The following SLC2A13 variants were observed in gnomAD, a reference collection of about 807,000 sequenced individuals.
SLC2A13 encodes the protein proton myo-inositol cotransporter.
In SLC2A13, 32 loss-of-function variants were observed where a neutral mutation model predicts 64.4. The ratio of observed to expected loss-of-function variants is 0.50; its 90% CI spans 0.37 to 0.67. SLC2A13 has a LOEUF of 0.67. Ranked by LOEUF, SLC2A13 falls within the 30% of genes least tolerant of loss-of-function variation. The pLI is 0.00. For synonymous variants in SLC2A13, 338 were observed against 327.1 expected (o/e 1.03, Z -0.36); for missense variants, 743 against 829.2 (o/e 0.90, Z 1.28).
chr12:39,778,910 G>T (rs889826516), intron 7 of SLC2A13, among the ~76,000 whole-genome samples: 1 of 152,166 alleles, frequency 6.6e-6, no homozygotes, highest in African/African-American at 2.4e-5. Flanking sequence ...CAGTTTGGGG[G>T]TTACTTTTTA....
chr12:39,907,068 A>C (rs534295309), intron 4 of SLC2A13, among the ~76,000 whole-genome samples: 1 of 152,262 alleles, frequency 6.6e-6, no homozygotes, highest in Non-Finnish European at 1.5e-5. Context: ...ATATAAGTAG[A>C]AGTTTGACTG....
chr12:39,889,130 G>A (rs1051815251), intron 4 of SLC2A13, among the ~76,000 whole-genome samples: 1 of 151,762 alleles, frequency 6.6e-6, no homozygotes, highest in Non-Finnish European at 1.5e-5. Flanking sequence ...ACCAAATGTT[G>A]GCTCATATCA....
chr12:39,840,029 T>G (rs4768190), intron 6 of SLC2A13, among the ~76,000 whole-genome samples: 3,930 of 152,100 alleles, frequency 0.026, 63 homozygotes, highest in East Asian at 0.037. Flanking sequence ...CCATTCTTTT[T>G]TTTTGTTTTG....
chr12:39,780,759 T>C (rs1453625445), intron 7 of SLC2A13, among the ~76,000 whole-genome samples: 1 of 152,224 alleles, frequency 6.6e-6, no homozygotes, highest in African/African-American at 2.4e-5. Context: ...TGTTAGGCAG[T>C]CTTTTAATAA....
chr12:39,764,899 G>A lies in SLC2A13; in HGVS notation c.1446-41C>T, dbSNP rs528006529. 6.8e-5 allele frequency: 108 copies of A among 1,590,488 alleles called. No individual in the cohort carries two copies. The Middle Eastern group carries it at 1.0e-3, about 15-fold the overall frequency. ...ATATAAGTATTAACTTAATGTTTTT[G>A]ACTACAGTTGCAGAAATTCAATATG... On this transcript the variant is annotated intron_variant, in intron 7 of 9. Transcript: ENST00000280871.
chr12:40,082,438 G>T (rs986736428), intron 1 of SLC2A13, among the ~76,000 whole-genome samples: 2 of 152,186 alleles, frequency 1.3e-5, no homozygotes, highest in African/African-American at 4.8e-5. Context: ...CTGTGAGGAT[G>T]GATATTCTAA....
intron 7 of SLC2A13, among the ~76,000 whole-genome samples, chr12:39,809,044 T>C (rs1942063239): frequency 6.6e-6 from 1 of 152,184 alleles, no homozygotes; most frequent in African/African-American, 2.4e-5. Context: ...ATTTTAGCTT[T>C]TACTATTAGG....
intron 4 of SLC2A13, among the ~76,000 whole-genome samples, chr12:39,900,687 G>C (rs1289407185): frequency 6.6e-6 from 1 of 152,146 alleles, no homozygotes; most frequent in East Asian, 1.9e-4. Flanking sequence ...TGAAATAAAA[G>C]AGGATACAAA....
At chr12:39,988,896 T>C (rs1947083310) in intron 3 of SLC2A13, among the ~76,000 whole-genome samples, 2 of 152,158 alleles carry the variant, frequency 1.3e-5, no homozygotes, top group Admixed American at 6.5e-5. Flanking sequence ...GTTAACTCTA[T>C]ACGTCGCCTC....
chr12:39,833,892 T>TAA (rs1161840484), intron 6 of SLC2A13, among the ~76,000 whole-genome samples: 68 of 88,314 alleles, frequency 7.7e-4, no homozygotes, highest in East Asian at 2.4e-3. Context: ...AGCATGGTCA[T>TAA]AAAAAAAAAA....
At chr12:39,986,676 T>G (rs1362208247) in intron 3 of SLC2A13, among the ~76,000 whole-genome samples, 4 of 151,106 alleles carry the variant, frequency 2.6e-5, no homozygotes, top group African/African-American at 9.8e-5. Flanking sequence ...AAAAAAAAGA[T>G]TTTTTAAATG....
intron 1 of SLC2A13, among the ~76,000 whole-genome samples, chr12:40,081,561 T>A (rs1938402874): frequency 6.6e-6 from 1 of 152,192 alleles, no homozygotes; most frequent in African/African-American, 2.4e-5. Flanking sequence ...AAATGGCTAT[T>A]TCATCTTTCA....
At chr12:39,998,604 G>T (rs2136178160) in intron 3 of SLC2A13, among the ~76,000 whole-genome samples, 1 of 152,240 alleles carries the variant, frequency 6.6e-6, no homozygotes, top group African/African-American at 2.4e-5. Context: ...CGTTTGGAAT[G>T]GCTGTATTTA....
intron 4 of SLC2A13, among the ~76,000 whole-genome samples, chr12:39,893,957 TAACAC>T (rs1333684100): frequency 4.6e-5 from 7 of 152,210 alleles, no homozygotes; most frequent in Non-Finnish European, 8.8e-5. Flanking sequence ...TAGTAGGAAG[TAACAC>T]AGATGCTGAA....
At chr12:40,036,590 G>A (rs554347458) in intron 2 of SLC2A13, among the ~76,000 whole-genome samples, 6 of 152,180 alleles carry the variant, frequency 3.9e-5, no homozygotes, top group African/African-American at 1.4e-4. Flanking sequence ...CTTTTAATCA[G>A]CACAATATTT....
intron 3 of SLC2A13, among the ~76,000 whole-genome samples, chr12:39,978,090 GAAGT>G (rs1486331291): frequency 6.6e-6 from 1 of 152,204 alleles, no homozygotes; most frequent in Non-Finnish European, 1.5e-5. Context: ...AGAACTGATA[GAAGT>G]AAGCCTTCAA....
At position 39,864,881 on chromosome 12, in the gene SLC2A13, A is replaced by T. The variant is rs753266854; in HGVS notation, c.1200T>A (p.Gly400=). The T allele has an allele frequency of 1.2e-6, 2 of 1,605,604 alleles. No individual in the cohort carries two copies. The highest frequency in any genetic ancestry group is 4.5e-5 in the East Asian group (2 of 44,758). ...CAAGAATAATGAGTGCTACGGTGGTACCTTAAAAAAAAAAAGTTTTATATT... is the reference window on the plus strand; with the variant it reads ...CAAGAATAATGAGTGCTACGGTGGTTCCTTAAAAAAAAAAAGTTTTATATT... ...RRKLTFGSLA[G]TTVALIILAL... Residue 400 remains glycine, a splice_region_variant and synonymous_variant, in exon 6 of 10, where the codon GGT becomes GGA. Transcript: ENST00000280871.
At chr12:39,783,589 T>A (rs1032049072) in intron 7 of SLC2A13, among the ~76,000 whole-genome samples, 1 of 152,254 alleles carries the variant, frequency 6.6e-6, no homozygotes, top group Non-Finnish European at 1.5e-5. Context: ...GGTATCTCAT[T>A]GTGGCTTTGA....
chr12:39,854,362 T>C (rs1244632686), intron 6 of SLC2A13, among the ~76,000 whole-genome samples: 1 of 152,168 alleles, frequency 6.6e-6, no homozygotes, highest in Non-Finnish European at 1.5e-5. Flanking sequence ...AAACTATTAT[T>C]ATTTTAAAAT....
Sources: gnomAD v4.1 joint callset for allele counts (sites outside exome capture counted in the v4.1 genomes callset) on GRCh38, gnomAD v4.1.1 for gene constraint, MANE v1.5 for transcripts, NCBI Gene and HGNC (gene_info 2026-07-23, HGNC 2026-07-21) for gene names.